The following COL27A1 variants were observed in gnomAD, a reference collection of about 807,000 sequenced individuals.
COL27A1 encodes collagen type XXVII alpha 1 chain, also known as collagen alpha-1(XXVII) chain.
COL27A1 carries 106 observed loss-of-function variants against 251.3 expected under a neutral mutation model. The ratio of observed to expected loss-of-function variants is 0.42; its 90% confidence interval spans 0.36 to 0.50. COL27A1 has a LOEUF of 0.50. Ranked by LOEUF, COL27A1 falls within the 20% of genes least tolerant of loss-of-function variation. The pLI, the probability that COL27A1 is intolerant of heterozygous loss-of-function variation, is 0.00. For missense variants in COL27A1, 2,325 were observed against 2,522.8 expected (o/e 0.92, Z 1.68); for synonymous variants, 1,000 against 986.3 (o/e 1.01, Z -0.26).
chr9:114,207,377 G>T (rs12376795), intron 10 of COL27A1, among the ~76,000 whole-genome samples: 5,585 of 152,236 alleles, frequency 0.037, 109 homozygotes, highest in Middle Eastern at 0.061. Context: ...GTCCCAGGGT[G>T]CTGTGCCTCT....
In COL27A1 at chr9:114,310,738, G is replaced by A; in HGVS notation, c.*43G>A. 7.5e-6 allele frequency: 12 copies of A among 1,609,374 alleles called. No homozygotes were observed. The highest frequency in any genetic ancestry group is 9.3e-6 in the Non-Finnish European group (11 of 1,176,736). On this transcript the variant is annotated 3_prime_UTR_variant, in exon 61 of 61. Coordinates refer to ENST00000356083, the MANE Select transcript of COL27A1 (RefSeq NM_032888.4). The stretch of plus-strand genomic sequence containing the variant: ...ACTCTAGGCCTCACGGAGGAGGGAA[G>A]AGGAAGAGGCAAGGGGAGGGTACTG...
At chr9:114,247,255 G>A (rs948704321) in intron 24 of COL27A1, among the ~76,000 whole-genome samples, 2 of 152,148 alleles carry the variant, frequency 1.3e-5, no homozygotes, top group African/African-American at 4.8e-5. Flanking sequence ...AAGCCTTAGT[G>A]ATGTATTTTG....
intron 40 of COL27A1, 89 bp downstream of exon 40, chr9:114,283,851 C>T: frequency 7.4e-7 from 1 of 1,349,488 alleles, no homozygotes; most frequent in South Asian, 1.2e-5. Context: ...CCACCACCTC[C>T]CAGCTGAAGG....
At chr9:114,216,155 T>C (rs1019046219) in intron 12 of COL27A1, among the ~76,000 whole-genome samples, 9 of 152,220 alleles carry the variant, frequency 5.9e-5, no homozygotes, top group Non-Finnish European at 1.5e-5. Flanking sequence ...TCTCACTCCT[T>C]AGCCTTGTTC....
chr9:114,257,274 C>T (rs1833983398), intron 27 of COL27A1, among the ~76,000 whole-genome samples: 1 of 148,010 alleles, frequency 6.8e-6, no homozygotes, highest in African/African-American at 2.5e-5. Context: ...TGCTGCGGAG[C>T]TGGGAGGCTC....
chr9:114,160,446 T>C (rs1298724633), intron 1 of COL27A1, among the ~76,000 whole-genome samples: 7 of 152,118 alleles, frequency 4.6e-5, no homozygotes, highest in Non-Finnish European at 1.5e-5. Context: ...TGAGCCACCG[T>C]GCCCGGCCGT....
At chr9:114,265,866 G>A (rs755038832) in intron 32 of COL27A1, among the ~76,000 whole-genome samples, 9 of 152,220 alleles carry the variant, frequency 5.9e-5, no homozygotes, top group Non-Finnish European at 1.3e-4. Context: ...CGGGACCTCA[G>A]AAAGGGCAGG....
intron 10 of COL27A1, 26 bp from the exon 11 acceptor site, chr9:114,209,649 C>G (rs1830212376): frequency 1.2e-6 from 2 of 1,613,436 alleles, no homozygotes; most frequent in Non-Finnish European, 8.5e-7. Context: ...CTTGACCGCT[C>G]TGACCCCCTT....
At chr9:114,309,143 G>A in intron 59 of COL27A1, 117 bp from the exon 60 acceptor site, 1 of 831,628 alleles carries the variant, frequency 1.2e-6, no homozygotes, top group South Asian at 1.5e-5. Flanking sequence ...GAGCATATCA[G>A]GAAATGCTTG....
intron 28 of COL27A1, among the ~76,000 whole-genome samples, chr9:114,261,299 C>T (rs888809389): frequency 4.5e-4 from 53 of 118,432 alleles, no homozygotes; most frequent in African/African-American, 1.6e-3. Flanking sequence ...AGACATCTTC[C>T]TCGAGGAGCG....
chr9:114,164,870 GA>G (rs1279073338), intron 2 of COL27A1, among the ~76,000 whole-genome samples: 1 of 152,162 alleles, frequency 6.6e-6, no homozygotes, highest in Non-Finnish European at 1.5e-5. Context: ...GAAATGAAAT[GA>G]AAGCCCCTTG....
intron 25 of COL27A1, among the ~76,000 whole-genome samples, chr9:114,251,414 C>T (rs1304649183): frequency 6.6e-6 from 1 of 152,060 alleles, no homozygotes; most frequent in East Asian, 1.9e-4. Flanking sequence ...TGCCTTCCTC[C>T]TCCTCCTCCT....
chr9:114,245,145 CT>C (rs1833026242), intron 23 of COL27A1, among the ~76,000 whole-genome samples: 2 of 74,354 alleles, frequency 2.7e-5, no homozygotes, highest in Non-Finnish European at 4.9e-5. Flanking sequence ...AATGTGCATT[CT>C]TGTTTTTTTT....
At chr9:114,190,611 C>T (rs370806748) in intron 5 of COL27A1, among the ~76,000 whole-genome samples, 1 of 152,310 alleles carries the variant, frequency 6.6e-6, no homozygotes, top group East Asian at 1.9e-4. Flanking sequence ...CTTGTCTCAC[C>T]CCATCTCTGG....
Position 114,253,295 on chromosome 9 carries a change from A to AAAAGAAAGAAAGAAAGGAAGAAAG in COL27A1, c.3141+379_3141+380insGAAGAAAGAAAGAAAGAAAGAAAG, listed in dbSNP as rs1554816664. Reference sequence around the variant, plus strand: ...AGGAAAAGAAAGAAAGAGACAGAGAAAAAGAAAGAAAGAAAGAAAGAAAGA... The same window carrying AAAAGAAAGAAAGAAAGGAAGAAAG: ...AGGAAAAGAAAGAAAGAGACAGAGAAAAAGAAAGAAAGAAAGGAAGAAAGAAAGAAAGAAAGAAAGAAAGAAAGA... On this transcript the variant is annotated intron_variant, in intron 27 of 60. Coordinates refer to ENST00000356083, the MANE Select transcript of COL27A1 (RefSeq NM_032888.4). Among the ~76,000 whole-genome samples the AAAAGAAAGAAAGAAAGGAAGAAAG allele has an allele frequency of 3.7e-3, 516 of 140,344 alleles. 1 individual carries two copies. Among genetic ancestry groups the AAAAGAAAGAAAGAAAGGAAGAAAG allele is most frequent in the South Asian group, 5.9e-3 (26 of 4,424 alleles). The allele number at this position is 140,344 out of a possible 152,430, so 92.1% of individuals were successfully genotyped here.
intron 28 of COL27A1, among the ~76,000 whole-genome samples, chr9:114,259,577 T>G (rs1038765597): frequency 1.4e-4 from 21 of 152,154 alleles, no homozygotes; most frequent in African/African-American, 5.1e-4. Flanking sequence ...TCCACTCCAC[T>G]CCCAGAGAGG....
rs1231551764 is a variant in COL27A1, at chr9:114,275,656, C to T, written c.3610-5C>T. On this transcript the variant is annotated splice_region_variant and splice_polypyrimidine_tract_variant and intron_variant, in intron 36 of 60. Coordinates refer to ENST00000356083, the MANE Select transcript of COL27A1 (RefSeq NM_032888.4). The stretch of plus-strand genomic sequence containing the variant: ...TCTCTCCCCTCTTCATGCCCTGCCA[C>T]CCAGGGGGACAGGGGAGACCCAGGG... 1 of 1,542,562 alleles carries T rather than the reference C, an allele frequency of 6.5e-7. No homozygotes were observed. Among genetic ancestry groups the T allele is most frequent in the Non-Finnish European group, 8.8e-7 (1 of 1,141,474 alleles).
At chr9:114,249,915 A>G (rs1833404477) in intron 24 of COL27A1, among the ~76,000 whole-genome samples, 1 of 152,166 alleles carries the variant, frequency 6.6e-6, no homozygotes. Flanking sequence ...CTGAATAAGA[A>G]ATTGATGGGC....
At chr9:114,209,837 G>GAA in intron 11 of COL27A1, 109 bp downstream of exon 11, 1 of 1,020,142 alleles carries the variant, frequency 9.8e-7, no homozygotes, top group Non-Finnish European at 1.5e-6. Flanking sequence ...CCTGGAGGAG[G>GAA]TGCACTTGAG....
Sources: allele counts gnomAD v4.1 joint callset (sites outside exome capture counted in the v4.1 genomes callset), GRCh38; gene constraint gnomAD v4.1.1; transcripts MANE v1.5; gene names NCBI Gene and HGNC (gene_info 2026-07-23, HGNC 2026-07-21).